ZNF821: variants seen among roughly 807,000 people sequenced by gnomAD.
The protein encoded by ZNF821 is zinc finger protein 821.
A neutral mutation model predicts 44.3 loss-of-function variants in ZNF821; 16 were observed. The ratio of observed to expected loss-of-function variants is 0.36; its 90% confidence interval spans 0.24 to 0.55. The LOEUF is 0.55. ZNF821 is among the 20% of genes least tolerant of loss of function. ZNF821 has a pLI of 0.86. For synonymous variants in ZNF821, 204 were observed against 197.6 expected, an observed-to-expected ratio of 1.03 and a Z score of -0.27; for missense variants, 436 against 547.6, an observed-to-expected ratio of 0.80 and a Z score of 2.03.
chr16:71,883,401 CA>C (rs760405967), intron 1 of ZNF821, 128 bp from the exon 2 acceptor site: 98 of 351,724 alleles, frequency 2.8e-4, no homozygotes, highest in South Asian at 2.0e-3. Flanking sequence ...AGCATGAGCC[CA>C]GGTAAATTCC....
At position 71,864,221 on chromosome 16, in the gene ZNF821, CA is replaced by C. The variant is rs2034266723; in HGVS notation, c.333del (p.Asp112ThrfsTer14). 6.2e-7 allele frequency: 1 copy of C among 1,614,106 alleles called. No homozygotes were observed. Among genetic ancestry groups the C allele is most frequent in the Non-Finnish European group, 8.5e-7 (1 of 1,180,048 alleles). On this transcript the variant is annotated frameshift_variant, in exon 6 of 8. Transcript: ENST00000425432. LOFTEE classifies it high-confidence loss of function. Reference protein sequence around the residue: ...VEHEVTGNLNSDPLLELCQCP... With the variant: ...VEHEVTGNLNXDPLLELCQCP... ...CACTGGCAGAGTTCAAGCAAGGGGT[CA>C]GAATTCAAATTCCCTGTGACCTGTG... is the stretch of plus-strand genomic sequence containing the variant.
chr16:71,878,317 C>T (rs1432340728), intron 3 of ZNF821, among the ~76,000 whole-genome samples: 1 of 151,582 alleles, frequency 6.6e-6, no homozygotes, highest in African/African-American at 2.4e-5. Flanking sequence ...TTTTTTGCCA[C>T]GTTGGCCAGA....
At chr16:71,875,149 C>A (rs1174132461) in intron 3 of ZNF821, among the ~76,000 whole-genome samples, 1 of 152,206 alleles carries the variant, frequency 6.6e-6, no homozygotes, top group Non-Finnish European at 1.5e-5. Flanking sequence ...TGGCCACCTC[C>A]ACAGAGCCTG....
intron 3 of ZNF821, among the ~76,000 whole-genome samples, chr16:71,873,640 G>C (rs1319447868): frequency 6.6e-6 from 1 of 152,098 alleles, no homozygotes; most frequent in Non-Finnish European, 1.5e-5. Context: ...ACAGCAGTGG[G>C]ATTCTTTTTT....
chr16:71,877,266 T>C (rs994605136), intron 3 of ZNF821, among the ~76,000 whole-genome samples: 6 of 152,088 alleles, frequency 3.9e-5, no homozygotes, highest in Non-Finnish European at 5.9e-5. Flanking sequence ...TTTTGGTTTT[T>C]GTTTGTTTGT....
chr16:71,889,975 C>G (rs913878027), intron 1 of ZNF821, among the ~76,000 whole-genome samples: 5 of 151,988 alleles, frequency 3.3e-5, no homozygotes, highest in African/African-American at 1.2e-4. Flanking sequence ...AAAACAAAAA[C>G]AAAAACAAAA....
chr16:71,870,042 C>T (rs776956149), intron 3 of ZNF821, among the ~76,000 whole-genome samples: 10 of 152,248 alleles, frequency 6.6e-5, no homozygotes, highest in Admixed American at 6.5e-5. Context: ...TGTGTGAGAA[C>T]GGCTCTGATC....
intron 6 of ZNF821, 79 bp downstream of exon 6, chr16:71,864,059 C>G: frequency 7.6e-7 from 1 of 1,323,644 alleles, no homozygotes. Context: ...CAGAGAGAGA[C>G]AAAGGCCAAA....
chr16:71,888,540 C>G (rs1396694495), upstream of ZNF821, among the ~76,000 whole-genome samples: 1 of 152,102 alleles, frequency 6.6e-6, no homozygotes, highest in Non-Finnish European at 1.5e-5. Flanking sequence ...TTCTTTCCCC[C>G]TTTGAATTGT....
chr16:71,859,717 C>T lies in ZNF821; in HGVS notation c.*301G>A, dbSNP rs756931547. 5.9e-5 allele frequency: 22 copies of T among 374,410 alleles called. No individual in the cohort carries two copies. Among genetic ancestry groups the T allele is most frequent in the Non-Finnish European group, 1.1e-4 (22 of 209,438 alleles). The allele number at this position is 374,410 out of a possible 1,614,324, so 23.2% of individuals were successfully genotyped here. ...AAAATTAATTTATTTGACTTCACAA[C>T]TTCATGGGCCACACAGGGGCCCCAC... On this transcript the variant is annotated 3_prime_UTR_variant, in exon 8 of 8. Coordinates refer to ENST00000425432, the MANE Select transcript of ZNF821 (RefSeq NM_001201552.2).
chr16:71,893,725 C>CT (rs1249430184), intron 1 of ZNF821, among the ~76,000 whole-genome samples: 1 of 151,782 alleles, frequency 6.6e-6, no homozygotes, highest in Non-Finnish European at 1.5e-5. Context: ...ACCCAAAGTG[C>CT]TGAGATTACA....
rs58554253 is a variant in ZNF821 at position 71,891,995 on chromosome 16, CAAAAAAAAAAAAAA to C, written n.448+2880_448+2893del. Among the ~76,000 whole-genome samples, 4 of 21,160 alleles carry C rather than the reference CAAAAAAAAAAAAAA, an allele frequency of 1.9e-4. No homozygotes were observed. The Admixed American group carries it at 2.9e-3, about 16-fold the overall frequency. The allele number at this position is 21,160 out of a possible 152,430, so 13.9% of individuals were successfully genotyped here. On this transcript the variant is annotated intron_variant and non_coding_transcript_variant, in intron 1 of 2. Coordinates refer to the ZNF821 transcript ENST00000561700. The stretch of plus-strand genomic sequence containing the variant: ...TGGGCGACAGAGAGAGACTCCGTCT[CAAAAAAAAAAAAAA>C]AAAAAAAAAAAATTAGCTGGACTTG...
At chr16:71,870,135 T>C (rs996213983) in intron 3 of ZNF821, among the ~76,000 whole-genome samples, 1 of 152,216 alleles carries the variant, frequency 6.6e-6, no homozygotes, top group African/African-American at 2.4e-5. Context: ...GGCCAGTATA[T>C]GATCAAAAGA....
upstream of ZNF821, among the ~76,000 whole-genome samples, chr16:71,889,651 G>C (rs1050624476): frequency 4.6e-5 from 7 of 152,048 alleles, no homozygotes; most frequent in African/African-American, 1.7e-4. Context: ...TCCAGCCTAG[G>C]AGACAGAGTG....
intron 3 of ZNF821, among the ~76,000 whole-genome samples, chr16:71,878,520 TAAG>T (rs1335170793): frequency 1.3e-5 from 2 of 152,112 alleles, no homozygotes; most frequent in Non-Finnish European, 2.9e-5. Flanking sequence ...AATGTCAATT[TAAG>T]AAGGCACTTT....
Position 71,860,747 on chromosome 16 carries a change from T to C in ZNF821, c.585-75A>G. The C allele has an allele frequency of 6.8e-7, 1 of 1,480,256 alleles. No individual in the cohort carries two copies. Among genetic ancestry groups the C allele is most frequent in the Non-Finnish European group, 9.1e-7 (1 of 1,103,534 alleles). 91.7% of individuals were successfully genotyped at this position (1,480,256 alleles called of 1,614,324 possible). ...GGGACTCCAGCCCTGCCTTATTCTT[T>C]TCCTATGAGGCCAGTGGCTCCACGC... On this transcript the variant is annotated intron_variant, in intron 7 of 7. Coordinates refer to ENST00000425432, the MANE Select transcript of ZNF821 (RefSeq NM_001201552.2). This position sits in a 1 kb window ranked among gnomAD's most constrained non-coding sequence, Gnocchi z 7.3.
chr16:71,879,440 GCT>G (rs2036196747), intron 3 of ZNF821, among the ~76,000 whole-genome samples: 1 of 151,962 alleles, frequency 6.6e-6, no homozygotes, highest in Admixed American at 6.6e-5. Flanking sequence ...AGTCCACTGA[GCT>G]CTTTTAACTT....
intron 2 of ZNF821, chr16:71,881,845 C>G (rs1307315685): frequency 1.3e-5 from 2 of 152,262 alleles, no homozygotes; most frequent in African/African-American, 4.8e-5. Flanking sequence ...TGGTGCACAC[C>G]TGTAAATTCC....
At chr16:71,875,216 C>T (rs1255398435) in intron 3 of ZNF821, among the ~76,000 whole-genome samples, 1 of 152,204 alleles carries the variant, frequency 6.6e-6, no homozygotes, top group Non-Finnish European at 1.5e-5. Context: ...TCTGTAACTT[C>T]ATTTATGCAA....
Sources: allele counts gnomAD v4.1 joint callset (sites outside exome capture counted in the v4.1 genomes callset), GRCh38; gene constraint gnomAD v4.1.1; non-coding constraint Gnocchi (gnomAD v3.1); transcripts MANE v1.5; gene names NCBI Gene and HGNC (gene_info 2026-07-23, HGNC 2026-07-21).